Variants in DYRK1A observed in about 807,000 individuals in gnomAD.
DYRK1A encodes dual specificity tyrosine phosphorylation regulated kinase 1A.
DYRK1A carries 9 observed loss-of-function variants against 79.7 expected under a neutral mutation model. That is an observed-to-expected ratio of 0.11 (90% CI 0.07 to 0.20). DYRK1A has a LOEUF of 0.20. Among genes scored for constraint, DYRK1A ranks in the 10% least tolerant of loss-of-function variants. DYRK1A has a pLI of 1.00. For missense variants in DYRK1A, 622 were observed against 956.0 expected, an observed-to-expected ratio of 0.65 and a Z score of 4.61; for synonymous variants, 349 against 329.7, an observed-to-expected ratio of 1.06 and a Z score of -0.63.
chr21:37,495,663 C>T (rs930113117), intron 8 of DYRK1A, among the ~76,000 whole-genome samples: 4 of 152,022 alleles, frequency 2.6e-5, no homozygotes, highest in Admixed American at 2.6e-4. Flanking sequence ...GTGGTACATG[C>T]CTGTAGTCCC....
intron 5 of DYRK1A, 27 bp downstream of exon 5, chr21:37,480,853 C>A: frequency 1.3e-6 from 2 of 1,545,406 alleles, no homozygotes; most frequent in South Asian, 1.2e-5. Context: ...TGCTGAATTT[C>A]ATTAGTTAGA....
chr21:37,504,888 C>G (rs2053549664), intron 9 of DYRK1A: 1 of 170,030 alleles, frequency 5.9e-6, no homozygotes, highest in South Asian at 1.4e-4. Flanking sequence ...CAGGGGCATG[C>G]ATGTTCTCTG....
intron 2 of DYRK1A, among the ~76,000 whole-genome samples, chr21:37,449,892 A>C (rs368163449): frequency 2.0e-5 from 3 of 152,324 alleles, no homozygotes; most frequent in African/African-American, 7.2e-5. Context: ...GGCAGAAAAC[A>C]AATGTAATGG....
chr21:37,466,498 C>T (rs540468395), intron 2 of DYRK1A, among the ~76,000 whole-genome samples: 138 of 152,204 alleles, frequency 9.1e-4, no homozygotes, highest in African/African-American at 2.5e-3. Context: ...TACAGCTCAA[C>T]CACATACTCT....
At chr21:37,409,709 A>G (rs185218213) in intron 1 of DYRK1A, among the ~76,000 whole-genome samples, 67 of 152,260 alleles carry the variant, frequency 4.4e-4, no homozygotes, top group East Asian at 3.9e-4. Flanking sequence ...TCAGAATTTT[A>G]TTGGCCAAAG....
chr21:37,477,013 A>G (rs2052422773), intron 3 of DYRK1A, among the ~76,000 whole-genome samples: 1 of 152,120 alleles, frequency 6.6e-6, no homozygotes, highest in African/African-American at 2.4e-5. Context: ...ACAGCACGTA[A>G]AATGCTGTAA....
chr21:37,366,740 G>A (rs995025532), upstream of DYRK1A, among the ~76,000 whole-genome samples: 7 of 152,030 alleles, frequency 4.6e-5, no homozygotes, highest in African/African-American at 1.7e-4. Flanking sequence ...ACGTCAGCCG[G>A]GGTTTTGCGT....
chr21:37,443,191 C>G (rs758812081), intron 2 of DYRK1A, among the ~76,000 whole-genome samples: 8 of 151,994 alleles, frequency 5.3e-5, no homozygotes, highest in Non-Finnish European at 8.8e-5. Flanking sequence ...GCTCTGGGGC[C>G]CAGGCTGAAG....
chr21:37,406,498 C>T (rs2050148189), intron 1 of DYRK1A, among the ~76,000 whole-genome samples: 1 of 152,006 alleles, frequency 6.6e-6, no homozygotes, highest in Non-Finnish European at 1.5e-5. Flanking sequence ...GAGTTTGAGA[C>T]CAGTGTGGTG....
intron 1 of DYRK1A, among the ~76,000 whole-genome samples, chr21:37,374,247 A>G (rs1236475692): frequency 6.6e-6 from 1 of 151,640 alleles, no homozygotes; most frequent in Non-Finnish European, 1.5e-5. Flanking sequence ...ACAATGCTAC[A>G]ATAACACTCG....
chr21:37,463,545 C>T (rs991478135), intron 2 of DYRK1A, among the ~76,000 whole-genome samples: 4 of 152,290 alleles, frequency 2.6e-5, no homozygotes, highest in East Asian at 1.9e-4. Context: ...CCTTACCTCC[C>T]GTGCAGTCCC....
intron 2 of DYRK1A, among the ~76,000 whole-genome samples, chr21:37,455,510 A>G (rs1051071747): frequency 1.3e-5 from 2 of 152,048 alleles, no homozygotes. Context: ...CCAAGTCACC[A>G]TGGCTTGGAA....
At chr21:37,368,797 CAT>C (rs2049370585) in intron 1 of DYRK1A, among the ~76,000 whole-genome samples, 1 of 152,106 alleles carries the variant, frequency 6.6e-6, no homozygotes, top group Non-Finnish European at 1.5e-5. Flanking sequence ...GGGTGTAACT[CAT>C]TATTAGAAAT....
intron 1 of DYRK1A, among the ~76,000 whole-genome samples, chr21:37,403,073 A>G (rs2050082163): frequency 6.6e-6 from 1 of 151,878 alleles, no homozygotes; most frequent in African/African-American, 2.4e-5. Context: ...CCTAGATTAG[A>G]TAGTTTCTAT....
In DYRK1A at chr21:37,431,669, G is replaced by A. The variant is rs564378075; in HGVS notation, c.10+11285G>A. Among the ~76,000 whole-genome samples, 4 of 152,280 alleles carry A rather than the reference G, an allele frequency of 2.6e-5. No individual in the cohort carries two copies. The South Asian group carries it at 8.3e-4, about 32-fold the overall frequency. On this transcript the variant is annotated intron_variant, in intron 2 of 11. Coordinates refer to ENST00000647188, the MANE Select transcript of DYRK1A (RefSeq NM_001347721.2). ...GCTTCCCACCAAGGTTCTTGAAAGG[G>A]AAGTTTTCATAATGTTCATTTTTTT...
chr21:37,450,680 A>T (rs1461804328), intron 2 of DYRK1A, among the ~76,000 whole-genome samples: 1 of 152,212 alleles, frequency 6.6e-6, no homozygotes, highest in African/African-American at 2.4e-5. Flanking sequence ...TTCCCAGGCC[A>T]GCCTGGGCAG....
At chr21:37,380,499 TA>T (rs2049634802) in intron 1 of DYRK1A, among the ~76,000 whole-genome samples, 2 of 152,176 alleles carry the variant, frequency 1.3e-5, no homozygotes, top group African/African-American at 4.8e-5. Flanking sequence ...GGCCCACAGT[TA>T]CTCAGCAATA....
chr21:37,520,619 G>GCAAT lies in DYRK1A; in HGVS notation c.*8088_*8089insCAAT, dbSNP rs2053928264. ...TTGCATTACAATGGGCCGTGGATTT[G>GCAAT]GATGGATGATGAAGCTGAAACAAGG... On this transcript the variant is annotated 3_prime_UTR_variant, in exon 12 of 12. Transcript: ENST00000647188. The GCAAT allele has an allele frequency of 6.6e-6, 1 of 152,216 alleles. No homozygotes were observed. Among genetic ancestry groups the GCAAT allele is most frequent in the African/African-American group, 2.4e-5 (1 of 41,450 alleles). 9.4% of individuals were successfully genotyped at this position (152,216 alleles called of 1,614,324 possible). A position where few individuals can be genotyped will look rare whatever the true frequency, so the allele number is the denominator to read the frequency against.
intron 2 of DYRK1A, among the ~76,000 whole-genome samples, chr21:37,423,409 GA>G (rs1462772467): frequency 1.3e-5 from 2 of 152,198 alleles, no homozygotes; most frequent in East Asian, 1.9e-4. Context: ...TTGCCCTTTT[GA>G]ATCACAAGTA....
Sources: gnomAD v4.1 joint callset for allele counts (sites outside exome capture counted in the v4.1 genomes callset) on GRCh38, gnomAD v4.1.1 for gene constraint, MANE v1.5 for transcripts, NCBI Gene and HGNC (gene_info 2026-07-23, HGNC 2026-07-21) for gene names.